TMCO4: variants seen among roughly 807,000 people sequenced by gnomAD.
The protein encoded by TMCO4 is transmembrane and coiled-coil domains 4.
In TMCO4, 58 loss-of-function variants were observed where a neutral mutation model predicts 64.7. The ratio of observed to expected loss-of-function variants is 0.90; its 90% CI spans 0.73 to 1.12. TMCO4 has a LOEUF of 1.12. Among genes scored for constraint, TMCO4 ranks in the 50% most tolerant of loss-of-function variants. The pLI, the probability that TMCO4 is intolerant of heterozygous loss-of-function variation, is 0.00. For missense variants in TMCO4, 780 were observed against 825.9 expected (o/e 0.94, Z 0.68); for synonymous variants, 325 against 346.1 (o/e 0.94, Z 0.68).
At chr1:19,708,519 A>G (rs1268806665) in intron 13 of TMCO4, among the ~76,000 whole-genome samples, 1 of 152,194 alleles carries the variant, frequency 6.6e-6, no homozygotes, top group Non-Finnish European at 1.5e-5. Context: ...TTGTGAAACT[A>G]AACATTCTTA....
intron 13 of TMCO4, among the ~76,000 whole-genome samples, chr1:19,722,491 A>G (rs1038516331): frequency 3.9e-5 from 6 of 152,212 alleles, no homozygotes; most frequent in African/African-American, 1.4e-4. Context: ...ATCTACATTA[A>G]TAATAAGGAA....
chr1:19,792,849 C>A (rs560714016), intron 2 of TMCO4, among the ~76,000 whole-genome samples: 2 of 146,156 alleles, frequency 1.4e-5, no homozygotes, highest in Admixed American at 7.1e-5. Context: ...GGGCTCACTG[C>A]AACCTCCACT....
intron 5 of TMCO4, 62 bp from the exon 6 acceptor site, chr1:19,770,631 G>T: frequency 1.3e-6 from 2 of 1,521,998 alleles, no homozygotes; most frequent in South Asian, 2.4e-5. Context: ...GCGCTCATTT[G>T]ACAAATATTG....
chr1:19,785,291 T>C (rs1397276394), intron 3 of TMCO4, among the ~76,000 whole-genome samples: 16 of 152,254 alleles, frequency 1.1e-4, no homozygotes, highest in Non-Finnish European at 2.9e-5. Flanking sequence ...ACCAACCTAA[T>C]ATCTTTGTCT....
At chr1:19,724,500 A>G (rs961507922) in intron 13 of TMCO4, among the ~76,000 whole-genome samples, 35 of 152,206 alleles carry the variant, frequency 2.3e-4, no homozygotes, top group Admixed American at 1.3e-4. Flanking sequence ...ATCAATAACT[A>G]TATCTTAGAG....
chr1:19,683,553 C>T (rs1435575109), intron 15 of TMCO4, 109 bp from the exon 16 acceptor site: 1 of 1,249,236 alleles, frequency 8.0e-7, no homozygotes, highest in Non-Finnish European at 1.1e-6. Flanking sequence ...CATCCACAGC[C>T]AACGAATCAC....
intron 15 of TMCO4, among the ~76,000 whole-genome samples, chr1:19,692,620 G>A (rs1015876398): frequency 6.6e-6 from 1 of 151,118 alleles, no homozygotes; most frequent in Non-Finnish European, 1.5e-5. Context: ...GGTGGCAGGC[G>A]CCTATAATCC....
chr1:19,735,404 T>C (rs1557534844), intron 13 of TMCO4, among the ~76,000 whole-genome samples: 1 of 152,132 alleles, frequency 6.6e-6, no homozygotes, highest in East Asian at 1.9e-4. Flanking sequence ...CAGGTCTGCC[T>C]AATATCAAAA....
intron 6 of TMCO4, among the ~76,000 whole-genome samples, chr1:19,767,407 G>A (rs148000957): frequency 2.6e-4 from 39 of 152,284 alleles, no homozygotes; most frequent in Non-Finnish European, 5.1e-4. Context: ...TAATGAGAAC[G>A]TGCCTGGGTG....
intron 15 of TMCO4, among the ~76,000 whole-genome samples, chr1:19,691,122 C>T (rs960328585): frequency 6.6e-6 from 1 of 152,114 alleles, no homozygotes; most frequent in Non-Finnish European, 1.5e-5. Flanking sequence ...CCCGCCTTGG[C>T]CTCCCAAAGT....
intron 6 of TMCO4, among the ~76,000 whole-genome samples, chr1:19,756,228 G>A (rs894965932): frequency 3.9e-5 from 6 of 152,126 alleles, no homozygotes; most frequent in Admixed American, 6.6e-5. Flanking sequence ...TAGCCTGGGC[G>A]ACAGAGTGAG....
At chr1:19,783,405 T>C (rs796271890) in intron 3 of TMCO4, among the ~76,000 whole-genome samples, 136 of 152,358 alleles carry the variant, frequency 8.9e-4, no homozygotes, top group African/African-American at 3.1e-3. Context: ...AACAGTTATT[T>C]GTTCATAAGT....
chr1:19,744,138 C>A (rs2041656825), intron 10 of TMCO4, among the ~76,000 whole-genome samples: 2 of 152,238 alleles, frequency 1.3e-5, no homozygotes, highest in South Asian at 4.2e-4. Context: ...GGCAGGCGTG[C>A]CTGAGTGGTC....
intron 3 of TMCO4, among the ~76,000 whole-genome samples, chr1:19,782,306 T>C (rs28460200): frequency 1.1e-4 from 17 of 152,224 alleles, no homozygotes; most frequent in African/African-American, 3.9e-4. Flanking sequence ...GTACCTACCA[T>C]GGGATTCCCT....
At chr1:19,748,356 G>A (rs557364436) in intron 7 of TMCO4, among the ~76,000 whole-genome samples, 96 of 152,226 alleles carry the variant, frequency 6.3e-4, no homozygotes, top group Non-Finnish European at 9.4e-4. Context: ...AAATTCATTC[G>A]TTCTTCGTCC....
chr1:19,795,621 G>T (rs888541300), intron 2 of TMCO4, among the ~76,000 whole-genome samples: 81 of 152,174 alleles, frequency 5.3e-4, no homozygotes, highest in African/African-American at 1.9e-3. Context: ...TACAAGGTGG[G>T]TGCTATTATC....
chr1:19,720,867 C>T lies in TMCO4; in HGVS notation c.1264+16505G>A, dbSNP rs1271087007. The stretch of plus-strand genomic sequence containing the variant: ...CATTTTTATCTTCTGCTCTGCAAAA[C>T]AGGCCTGGCAATTTTCTAAAAGACA... On this transcript the variant is annotated intron_variant, in intron 13 of 15. Transcript: ENST00000294543. 2.6e-5 allele frequency among the ~76,000 whole-genome samples: 4 copies of T among 152,014 alleles called. 1 individual carries two copies. The East Asian group carries it at 7.7e-4, about 29-fold the overall frequency.
In TMCO4 at chr1:19,683,080, C is replaced by A; in HGVS notation, c.1865G>T (p.Cys622Phe). ...GCTGGGGCCCTGGGTCTTGCAGGCA[C>A]AATCGGGGCAGCCCAGTGGGTTGGG... ...MDPNPLGCPDCACKTQGPSTG... is the reference protein window; with the variant it reads ...MDPNPLGCPDFACKTQGPSTG... The change falls in exon 16 of 16, where the codon TGT (cysteine) becomes TTT (phenylalanine). Residue 622 changes from cysteine (C) to phenylalanine (F), a missense_variant. By Grantham distance (205) the Cys-to-Phe change is radical. Transcript: ENST00000294543. 6.2e-7 allele frequency: 1 copy of A among 1,604,576 alleles called. No homozygotes were observed. Among genetic ancestry groups the A allele is most frequent in the Admixed American group, 1.7e-5 (1 of 58,746 alleles).
At chr1:19,786,657 C>T (rs942132806) in intron 3 of TMCO4, among the ~76,000 whole-genome samples, 6 of 152,170 alleles carry the variant, frequency 3.9e-5, no homozygotes, top group Non-Finnish European at 5.9e-5. Context: ...GTAAAGGCAA[C>T]GGCCATGCGG....
Sources: gnomAD v4.1 joint callset for allele counts (sites outside exome capture counted in the v4.1 genomes callset) on GRCh38, gnomAD v4.1.1 for gene constraint, MANE v1.5 for transcripts, NCBI Gene and HGNC (gene_info 2026-07-23, HGNC 2026-07-21) for gene names.